R3HCC1L: variants seen among roughly 807,000 people sequenced by gnomAD.
R3HCC1L encodes the protein coiled-coil domain-containing protein R3HCC1L.
A neutral mutation model predicts 59.9 loss-of-function variants in R3HCC1L; 51 were observed. The observed-to-expected ratio is 0.85, with a 90% CI of 0.68 to 1.07. R3HCC1L has a LOEUF of 1.07. Among genes scored for constraint, R3HCC1L ranks in the 50% least tolerant of loss-of-function variants. The pLI, the probability that R3HCC1L is intolerant of heterozygous loss-of-function variation, is 0.00. For missense variants in R3HCC1L, 965 were observed against 933.0 expected (o/e 1.03, Z -0.45); for synonymous variants, 322 against 315.2 (o/e 1.02, Z -0.23).
At chr10:98,165,873 T>A (rs987997186) in intron 4 of R3HCC1L, among the ~76,000 whole-genome samples, 1 of 152,166 alleles carries the variant, frequency 6.6e-6, no homozygotes, top group African/African-American at 2.4e-5. Flanking sequence ...TGGCTTCCCC[T>A]ATAGGAAGAA....
intron 4 of R3HCC1L, among the ~76,000 whole-genome samples, chr10:98,185,491 A>C (rs1408555173): frequency 1.3e-5 from 2 of 152,194 alleles, no homozygotes; most frequent in African/African-American, 4.8e-5. Context: ...CCTAAAGATT[A>C]TGTAGGAATT....
At chr10:98,227,917 T>G (rs1855866650) in intron 5 of R3HCC1L, among the ~76,000 whole-genome samples, 1 of 152,206 alleles carries the variant, frequency 6.6e-6, no homozygotes, top group African/African-American at 2.4e-5. Flanking sequence ...GAACTCATCC[T>G]TTTTTATGGC....
chr10:98,158,184 T>C (rs183442745), intron 2 of R3HCC1L, among the ~76,000 whole-genome samples: 1 of 152,362 alleles, frequency 6.6e-6, no homozygotes. Context: ...AGTCTTTGTT[T>C]ATGCATTTGC....
At chr10:98,140,437 C>T (rs535830713) in intron 1 of R3HCC1L, among the ~76,000 whole-genome samples, 3 of 152,140 alleles carry the variant, frequency 2.0e-5, no homozygotes, top group African/African-American at 7.2e-5. Context: ...GAGACACATG[C>T]AATAGGCAGA....
chr10:98,165,816 C>G (rs1467525201), intron 4 of R3HCC1L, among the ~76,000 whole-genome samples: 1 of 152,114 alleles, frequency 6.6e-6, no homozygotes, highest in Admixed American at 6.5e-5. Context: ...GAGGTGGGGC[C>G]TTTGGGATGT....
At chr10:98,210,270 T>G (rs1853413583) in intron 5 of R3HCC1L, among the ~76,000 whole-genome samples, 1 of 152,264 alleles carries the variant, frequency 6.6e-6, no homozygotes, top group South Asian at 2.1e-4. Flanking sequence ...TTATTTATAT[T>G]TTATTTTCTA....
At chr10:98,219,939 A>G (rs1854672815) in intron 5 of R3HCC1L, among the ~76,000 whole-genome samples, 1 of 152,144 alleles carries the variant, frequency 6.6e-6, no homozygotes, top group Non-Finnish European at 1.5e-5. Flanking sequence ...AAGACTTGGG[A>G]CATTTTCAGC....
intron 4 of R3HCC1L, among the ~76,000 whole-genome samples, chr10:98,207,811 C>T (rs77327303): frequency 1.3e-5 from 2 of 151,908 alleles, no homozygotes; most frequent in Non-Finnish European, 2.9e-5. Flanking sequence ...GGGCTTGAGA[C>T]CAGCCTAGGC....
intron 4 of R3HCC1L, among the ~76,000 whole-genome samples, chr10:98,175,225 G>T (rs1032706519): frequency 6.6e-6 from 1 of 152,106 alleles, no homozygotes; most frequent in African/African-American, 2.4e-5. Context: ...TACTAGACAG[G>T]CATATTTTAA....
chr10:98,194,359 AG>A (rs1851191696), intron 4 of R3HCC1L, among the ~76,000 whole-genome samples: 1 of 152,010 alleles, frequency 6.6e-6, no homozygotes, highest in South Asian at 2.1e-4. Flanking sequence ...AGAAAAAAAC[AG>A]GGGAAAAGCT....
intron 4 of R3HCC1L, among the ~76,000 whole-genome samples, chr10:98,165,873 T>C (rs987997186): frequency 6.6e-6 from 1 of 152,166 alleles, no homozygotes; most frequent in Non-Finnish European, 1.5e-5. Context: ...TGGCTTCCCC[T>C]ATAGGAAGAA....
intron 4 of R3HCC1L, among the ~76,000 whole-genome samples, chr10:98,179,387 C>T (rs1048771106): frequency 1.3e-5 from 2 of 151,708 alleles, no homozygotes; most frequent in Non-Finnish European, 2.9e-5. Flanking sequence ...GTATGTTGAA[C>T]CAGCCTTGCA....
intron 4 of R3HCC1L, among the ~76,000 whole-genome samples, chr10:98,169,193 G>T (rs967741545): frequency 6.6e-6 from 1 of 152,116 alleles, no homozygotes; most frequent in South Asian, 2.1e-4. Flanking sequence ...CTTTTTGGTT[G>T]TTTTGCAGTT....
intron 5 of R3HCC1L, among the ~76,000 whole-genome samples, chr10:98,224,428 C>T (rs1395784846): frequency 6.6e-6 from 1 of 152,122 alleles, no homozygotes; most frequent in Non-Finnish European, 1.5e-5. Flanking sequence ...CCTTTTATCC[C>T]TCTGCGAATA....
intron 4 of R3HCC1L, among the ~76,000 whole-genome samples, chr10:98,182,967 G>A (rs1472517628): frequency 6.6e-6 from 1 of 152,190 alleles, no homozygotes; most frequent in African/African-American, 2.4e-5. Context: ...GGCTAGGAAA[G>A]GGAAATCCCC....
intron 5 of R3HCC1L, among the ~76,000 whole-genome samples, chr10:98,220,773 T>C (rs1311727839): frequency 6.6e-6 from 1 of 151,968 alleles, no homozygotes; most frequent in African/African-American, 2.4e-5. Flanking sequence ...TAATCCAGTC[T>C]GTCATTGTTG....
chr10:98,202,874 A>T (rs540081547), intron 4 of R3HCC1L, among the ~76,000 whole-genome samples: 2 of 151,010 alleles, frequency 1.3e-5, no homozygotes, highest in East Asian at 1.9e-4. Context: ...AAAAAAAAAT[A>T]GAGTGGGGAG....
intron 9 of R3HCC1L, among the ~76,000 whole-genome samples, chr10:98,237,910 C>T (rs1216363233): frequency 6.6e-6 from 1 of 152,146 alleles, no homozygotes; most frequent in Admixed American, 6.5e-5. Flanking sequence ...TCTGGAATCT[C>T]ACTTCCTGGG....
rs1303752234 is a variant in R3HCC1L at position 98,231,544 on chromosome 10, C to G, written c.1818C>G (p.Ile606Met). ...LSGNTKSRES[I>M]QEPRSDYYNH... The stretch of plus-strand genomic sequence containing the variant: ...GGAATACCAAGAGCAGAGAGAGCAT[C>G]CAGGAACCTAGATCTGATTACTACA... The change falls in exon 6 of 10, where the codon ATC becomes ATG. Residue 606 changes from isoleucine to methionine, a missense_variant. Physicochemically the swap from Ile to Met is conservative, Grantham distance 10. Coordinates refer to ENST00000298999, the MANE Select transcript of R3HCC1L (RefSeq NM_001351015.2). The G allele has an allele frequency of 1.2e-6, 2 of 1,613,050 alleles. No homozygotes were observed. The highest frequency in any genetic ancestry group is 1.3e-5 in the African/African-American group (1 of 74,980).
Sources: gnomAD v4.1 joint callset for allele counts (sites outside exome capture counted in the v4.1 genomes callset) on GRCh38, gnomAD v4.1.1 for gene constraint, MANE v1.5 for transcripts, NCBI Gene and HGNC (gene_info 2026-07-23, HGNC 2026-07-21) for gene names.